The following RPS6KA5 variants were observed in gnomAD, a reference collection of about 807,000 sequenced individuals.
RPS6KA5 encodes the protein ribosomal protein S6 kinase A5.
A neutral mutation model predicts 85.5 loss-of-function variants in RPS6KA5; 27 were observed. The ratio of observed to expected loss-of-function variants is 0.32; its 90% confidence interval spans 0.23 to 0.44. The LOEUF is 0.44. Among genes scored for constraint, RPS6KA5 ranks in the 20% least tolerant of loss-of-function variants. The pLI, the probability that RPS6KA5 is intolerant of heterozygous loss-of-function variation, is 1.00. For missense variants in RPS6KA5, 811 were observed against 980.9 expected, an observed-to-expected ratio of 0.83 and a Z score of 2.31; for synonymous variants, 334 against 348.2, an observed-to-expected ratio of 0.96 and a Z score of 0.46.
intron 3 of RPS6KA5, among the ~76,000 whole-genome samples, chr14:90,976,639 T>TA (rs2039583492): frequency 6.6e-6 from 1 of 151,888 alleles, no homozygotes; most frequent in Non-Finnish European, 1.5e-5. Context: ...GACATATATA[T>TA]CAAAAAAATC....
At chr14:90,967,948 T>C (rs2140442891) in intron 3 of RPS6KA5, among the ~76,000 whole-genome samples, 1 of 152,340 alleles carries the variant, frequency 6.6e-6, no homozygotes, top group Non-Finnish European at 1.5e-5. Context: ...TCTACATGGC[T>C]GATGCTCCTT....
intron 7 of RPS6KA5, among the ~76,000 whole-genome samples, chr14:90,911,046 A>T (rs1301518299): frequency 6.6e-6 from 1 of 152,116 alleles, no homozygotes; most frequent in Non-Finnish European, 1.5e-5. Context: ...GCTTGCTCTA[A>T]CCATCCTATC....
At chr14:90,991,081 G>GA (rs1315134149) in intron 2 of RPS6KA5, among the ~76,000 whole-genome samples, 5 of 152,076 alleles carry the variant, frequency 3.3e-5, no homozygotes, top group Admixed American at 3.3e-4. Flanking sequence ...TAAGCTGGGC[G>GA]AAAAAAGACA....
At chr14:90,888,301 G>C (rs987005037) in intron 14 of RPS6KA5, among the ~76,000 whole-genome samples, 1 of 152,160 alleles carries the variant, frequency 6.6e-6, no homozygotes, top group African/African-American at 2.4e-5. Flanking sequence ...GCATGTTTAA[G>C]ACTGCCTTTT....
intron 14 of RPS6KA5, among the ~76,000 whole-genome samples, chr14:90,889,294 CAAA>C (rs11450327): frequency 0.23 from 16,211 of 70,544 alleles, 509 homozygotes; most frequent in Middle Eastern, 0.3. Flanking sequence ...ACTTTGTCTC[CAAA>C]AAAAAAAAAA....
Position 90,850,712 on chromosome 14 carries a change from C to T in RPS6KA5, c.*21362G>A, listed in dbSNP as rs992760215. The T allele has an allele frequency of 4.6e-5, 7 of 152,344 alleles. No individual in the cohort carries two copies. Among genetic ancestry groups the T allele is most frequent in the African/African-American group, 7.2e-5 (3 of 41,572 alleles). 9.4% of individuals were successfully genotyped at this position (152,344 alleles called of 1,614,324 possible). A position where few individuals can be genotyped will look rare whatever the true frequency, so the allele number is the denominator to read the frequency against. On this transcript the variant is annotated 3_prime_UTR_variant, in exon 17 of 17. Coordinates refer to ENST00000614987, the MANE Select transcript of RPS6KA5 (RefSeq NM_004755.4). ...AGGTCACCAGGAAGGAATCTGCTTC[C>T]GGCAGGAAATTGCACTGGGTGAGCT...
chr14:90,920,267 G>A lies in RPS6KA5; in HGVS notation c.745C>T (p.Leu249=). 1.2e-6 allele frequency: 2 copies of A among 1,612,668 alleles called. No individual in the cohort carries two copies. Among genetic ancestry groups the A allele is most frequent in the South Asian group, 1.1e-5 (1 of 91,046 alleles). The part of the protein sequence containing the change: ...WSLGVLMYEL[L]TGASPFTVDG... ...ACAGTGAAAGGAGATGCTCCAGTTA[G>A]TAATTCATACATTAGAACACCCAAA... The change falls in exon 7 of 17, where the codon CTA becomes TTA. Residue 249 remains leucine (L), a synonymous_variant. Coordinates refer to ENST00000614987, the MANE Select transcript of RPS6KA5 (RefSeq NM_004755.4).
Position 90,943,180 on chromosome 14 carries a change from C to A in RPS6KA5, c.516G>T (p.Gly172=), listed in dbSNP as rs1566772133. 6.5e-7 allele frequency: 1 copy of A among 1,537,244 alleles called. No homozygotes were observed. The highest frequency in any genetic ancestry group is 9.0e-7 in the Non-Finnish European group (1 of 1,116,622). Residue 172 remains glycine (G), a synonymous_variant, in exon 5 of 17, where the codon GGG becomes GGT. Coordinates refer to ENST00000614987, the MANE Select transcript of RPS6KA5 (RefSeq NM_004755.4). ...CAAGCTTAATATCACGATATATAAT[C>A]CCCAACTGCAAAAACAAAGAAATAT... ...VLALEHLHKL[G]IIYRDIKLEN...
At chr14:90,917,862 G>C (rs903491827) in intron 7 of RPS6KA5, among the ~76,000 whole-genome samples, 3 of 152,144 alleles carry the variant, frequency 2.0e-5, no homozygotes, top group Admixed American at 2.0e-4. Flanking sequence ...ACATGTCTTA[G>C]ATAAATTCCT....
rs1194212525 is a variant in RPS6KA5, at chr14:90,851,445, C to T, written c.*20629G>A. The stretch of plus-strand genomic sequence containing the variant: ...AGTGTACCTTATGGATTTTTTTAAT[C>T]CTCTTTAATCGATCCCTCAGTATGC... On this transcript the variant is annotated 3_prime_UTR_variant, in exon 17 of 17. Coordinates refer to ENST00000614987, the MANE Select transcript of RPS6KA5 (RefSeq NM_004755.4). 6.6e-6 allele frequency: 1 copy of T among 152,064 alleles called. No individual in the cohort carries two copies. The highest frequency in any genetic ancestry group is 1.5e-5 in the Non-Finnish European group (1 of 68,012). The allele number at this position is 152,064 out of a possible 1,614,324, so 9.4% of individuals were successfully genotyped here. A position where few individuals can be genotyped will look rare whatever the true frequency, so the allele number is the denominator to read the frequency against.
At chr14:90,897,667 T>TATA (rs1340574515) in intron 12 of RPS6KA5, among the ~76,000 whole-genome samples, 1 of 152,226 alleles carries the variant, frequency 6.6e-6, no homozygotes, top group East Asian at 1.9e-4. Flanking sequence ...CTCCTGAATA[T>TATA]ATAAATAGCA....
At chr14:91,018,471 G>A (rs1566869868) in intron 1 of RPS6KA5, among the ~76,000 whole-genome samples, 1 of 152,208 alleles carries the variant, frequency 6.6e-6, no homozygotes, top group Non-Finnish European at 1.5e-5. Flanking sequence ...CTCAATGTGG[G>A]TGGGCACCAC....
intron 1 of RPS6KA5, among the ~76,000 whole-genome samples, chr14:91,027,572 A>T (rs116041123): frequency 0.018 from 2,724 of 152,314 alleles, 63 homozygotes; most frequent in African/African-American, 0.063. Flanking sequence ...TTTATCACTC[A>T]TAATTATCTA....
chr14:90,920,108 T>C lies in RPS6KA5; in HGVS notation c.806+98A>G, dbSNP rs2036327444. 1.2e-5 allele frequency: 10 copies of C among 821,842 alleles called. No individual in the cohort carries two copies. In the East Asian group the frequency reaches 2.5e-4, roughly 20 times the overall value. 50.9% of individuals were successfully genotyped at this position (821,842 alleles called of 1,614,324 possible). On this transcript the variant is annotated intron_variant, in intron 7 of 16. Coordinates refer to ENST00000614987, the MANE Select transcript of RPS6KA5 (RefSeq NM_004755.4). ...CACATAAACATCACTTTGTCTATCC[T>C]CATTTTAAAAAATTATCGTTTACAT...
chr14:91,053,001 G>T (rs533367402), intron 1 of RPS6KA5, among the ~76,000 whole-genome samples: 14 of 152,068 alleles, frequency 9.2e-5, no homozygotes, highest in African/African-American at 3.4e-4. Flanking sequence ...CAGCAACAAA[G>T]AAAAAGGATT....
intron 14 of RPS6KA5, among the ~76,000 whole-genome samples, chr14:90,875,780 T>A (rs1316936841): frequency 6.6e-6 from 1 of 151,652 alleles, no homozygotes; most frequent in African/African-American, 2.4e-5. Flanking sequence ...GAAACCATCA[T>A]TCTCAGCAAA....
intron 1 of RPS6KA5, among the ~76,000 whole-genome samples, chr14:91,044,998 A>G (rs1158388001): frequency 1.3e-5 from 2 of 152,170 alleles, no homozygotes; most frequent in Admixed American, 1.3e-4. Flanking sequence ...ACCAACAAAA[A>G]TGAGTTTGGA....
At chr14:90,980,394 A>C (rs1220629563) in intron 2 of RPS6KA5, among the ~76,000 whole-genome samples, 1 of 152,152 alleles carries the variant, frequency 6.6e-6, no homozygotes, top group African/African-American at 2.4e-5. Flanking sequence ...TATGCTCTCA[A>C]AACCAGGAAT....
intron 12 of RPS6KA5, among the ~76,000 whole-genome samples, chr14:90,898,835 T>G (rs1251116958): frequency 6.6e-6 from 1 of 152,222 alleles, no homozygotes; most frequent in African/African-American, 2.4e-5. Flanking sequence ...GAGCAGAATT[T>G]ACCACCTGGA....
Sources: gnomAD v4.1 joint callset for allele counts (sites outside exome capture counted in the v4.1 genomes callset) on GRCh38, gnomAD v4.1.1 for gene constraint, MANE v1.5 for transcripts, NCBI Gene and HGNC (gene_info 2026-07-23, HGNC 2026-07-21) for gene names.